Variants in RRP8 observed in about 807,000 individuals in gnomAD.
RRP8 encodes ribosomal RNA-processing protein 8.
A neutral mutation model predicts 45.0 loss-of-function variants in RRP8; 48 were observed. The observed-to-expected ratio is 1.07, with a 90% confidence interval of 0.85 to 1.36. The LOEUF is 1.36. Ranked by LOEUF, RRP8 falls within the 40% of genes most tolerant of loss-of-function variation. RRP8 has a pLI of 0.00. For missense variants in RRP8, 658 were observed against 573.7 expected (o/e 1.15, Z -1.50); for synonymous variants, 274 against 212.4 (o/e 1.29, Z -2.52).
chr11:6,601,956 G>A lies in RRP8; in HGVS notation c.359C>T (p.Ala120Val), dbSNP rs781502115. The A allele has an allele frequency of 4.3e-6, 7 of 1,614,000 alleles. No homozygotes were observed. Among genetic ancestry groups the A allele is most frequent in the African/African-American group, 2.7e-5 (2 of 74,916 alleles). ...VERKKKCHKQ[A>V]LVGSDSAEDE... ...TTCAGCAGAGTCACTGCCAACAAGA[G>A]CCTGTTTGTGGCATTTCTTCTTCCT... The change falls in exon 2 of 7, where the codon GCT becomes GTT. Residue 120 changes from alanine to valine, a missense_variant. Transcript: ENST00000254605.
Position 6,600,926 on chromosome 11 carries a change from C to A in RRP8, c.1047G>T (p.Gln349His), listed in dbSNP as rs777430541. 1.9e-6 allele frequency: 3 copies of A among 1,614,140 alleles called. No homozygotes were observed. The South Asian group carries it at 3.3e-5, about 18-fold the overall frequency. Residue 349 changes from glutamine to histidine, a missense_variant and splice_region_variant, in exon 4 of 7, where the codon CAG becomes CAT. By Grantham distance (24) the Gln-to-His change is conservative. Coordinates refer to ENST00000254605, the MANE Select transcript of RRP8 (RefSeq NM_015324.4). ...CAAGCCAGATAACATAGGGGTTTAC[C>A]TGGGCCATGTCACACACAGTGACCC... ...DPRVTVCDMA[Q>H]VPLEDESVDV...
In RRP8 at chr11:6,598,652, AGTACGTGTAGAG is replaced by A. The variant is rs1463942811; in HGVS notation, c.*1482_*1493del. 6.6e-6 allele frequency: 1 copy of A among 152,246 alleles called. No homozygotes were observed. Among genetic ancestry groups the A allele is most frequent in the African/African-American group, 2.4e-5 (1 of 41,456 alleles). 9.4% of individuals were successfully genotyped at this position (152,246 alleles called of 1,614,324 possible). ...CCGATGAATATCCAGCAGAAAGAAC[AGTACGTGTAGAG>A]GCACTGTGTAGTGCCTGCCTAATGA... On this transcript the variant is annotated 3_prime_UTR_variant, in exon 7 of 7. Transcript: ENST00000254605.
At position 6,601,938 on chromosome 11, in the gene RRP8, G is replaced by A; in HGVS notation, c.377C>T (p.Ser126Phe). The change falls in exon 2 of 7, where the codon TCT (serine) becomes TTT (phenylalanine). Residue 126 changes from serine to phenylalanine, a missense_variant. Transcript: ENST00000254605. Reference protein sequence around the residue: ...CHKQALVGSDSAEDEKRKRKC... With the variant: ...CHKQALVGSDFAEDEKRKRKC... ...CCTCTTTCTTTTCTCATCTTCAGCA[G>A]AGTCACTGCCAACAAGAGCCTGTTT... is the stretch of plus-strand genomic sequence containing the variant. The A allele has an allele frequency of 1.2e-6, 2 of 1,614,168 alleles. No individual in the cohort carries two copies. The highest frequency in any genetic ancestry group is 4.5e-5 in the East Asian group (2 of 44,876).
chr11:6,602,385 A>G, intron 1 of RRP8, 170 bp from the exon 2 acceptor site: 1 of 686,060 alleles, frequency 1.5e-6, no homozygotes, highest in Non-Finnish European at 2.2e-6. Flanking sequence ...AACTTCTGGG[A>G]AGCTGGAGAG....
At chr11:6,602,584 G>A (rs534958227) in intron 1 of RRP8, among the ~76,000 whole-genome samples, 1 of 152,296 alleles carries the variant, frequency 6.6e-6, no homozygotes, top group East Asian at 1.9e-4. Flanking sequence ...GAACACAGGA[G>A]ACACATGATC....
In RRP8 at chr11:6,598,536, T is replaced by C. The variant is rs1277989157; in HGVS notation, c.*1610A>G. 1 of 152,256 alleles carries C rather than the reference T, an allele frequency of 6.6e-6. No homozygotes were observed. The highest frequency in any genetic ancestry group is 1.5e-5 in the Non-Finnish European group (1 of 68,048). 9.4% of individuals were successfully genotyped at this position (152,256 alleles called of 1,614,324 possible). A position where few individuals can be genotyped will look rare whatever the true frequency, so the allele number is the denominator to read the frequency against. ...AGCTGAAGTAGCACTCTTCACATAG[T>C]ACTTTGAGAGTACAGATGAAGAACT... On this transcript the variant is annotated 3_prime_UTR_variant, in exon 7 of 7. Transcript: ENST00000254605.
chr11:6,603,573 A>T lies in RRP8; in HGVS notation c.-71T>A. Reference sequence around the variant, plus strand: ...TGCACAGCGCTCCTCTGGAAGTCGGAGCGCTCAGACCTGCCAGAACCGACC... The same window carrying T: ...TGCACAGCGCTCCTCTGGAAGTCGGTGCGCTCAGACCTGCCAGAACCGACC... On this transcript the variant is annotated 5_prime_UTR_variant, in exon 1 of 7. Coordinates refer to ENST00000254605, the MANE Select transcript of RRP8 (RefSeq NM_015324.4). 1.8e-6 allele frequency: 2 copies of T among 1,081,410 alleles called. No individual in the cohort carries two copies. The highest frequency in any genetic ancestry group is 2.6e-6 in the Non-Finnish European group (2 of 756,972). The allele number at this position is 1,081,410 out of a possible 1,614,324, so 67.0% of individuals were successfully genotyped here. A position where few individuals can be genotyped will look rare whatever the true frequency, so the allele number is the denominator to read the frequency against.
chr11:6,600,852 AG>A (rs1854333209), intron 4 of RRP8, 73 bp downstream of exon 4: 1 of 1,611,286 alleles, frequency 6.2e-7, no homozygotes, highest in East Asian at 2.2e-5. Context: ...AGGATGGGAA[AG>A]GGGAAGGAAG....
rs1440597726 is a variant in RRP8, at chr11:6,603,403, C to T, written c.99+1G>A. 35 of 1,598,802 alleles carry T rather than the reference C, an allele frequency of 2.2e-5. No individual in the cohort carries two copies. Among genetic ancestry groups the T allele is most frequent in the Non-Finnish European group, 2.7e-5 (32 of 1,173,346 alleles). On this transcript the variant is annotated splice_donor_variant, in intron 1 of 6. Coordinates refer to ENST00000254605, the MANE Select transcript of RRP8 (RefSeq NM_015324.4). LOFTEE classifies it high-confidence loss of function. ...TCCCATTGCTCCCGCGAGTCACTCA[C>T]CTTGTTTTGCGAGGAGGCCGCAGGC...
chr11:6,601,968 C>T lies in RRP8; in HGVS notation c.347G>A (p.Cys116Tyr). ...SEEEVERKKK[C>Y]HKQALVGSDS... ...ACTGCCAACAAGAGCCTGTTTGTGG[C>T]ATTTCTTCTTCCTTTCTACTTCTTC... Residue 116 changes from cysteine to tyrosine, a missense_variant, in exon 2 of 7, where the codon TGC (cysteine) becomes TAC (tyrosine). Coordinates refer to ENST00000254605, the MANE Select transcript of RRP8 (RefSeq NM_015324.4). The T allele has an allele frequency of 6.2e-7, 1 of 1,614,208 alleles. No homozygotes were observed. The highest frequency in any genetic ancestry group is 1.1e-5 in the South Asian group (1 of 91,082).
At position 6,600,662 on chromosome 11, in the gene RRP8, C is replaced by T. The variant is rs111576698; in HGVS notation, c.1154+7G>A. ...CATACATGCATCTGTGTCCTGGGGGCTCTTACCCTGGCTTCAGTACTCTAT... is the reference window on the plus strand; with the variant it reads ...CATACATGCATCTGTGTCCTGGGGGTTCTTACCCTGGCTTCAGTACTCTAT... On this transcript the variant is annotated splice_region_variant and intron_variant, in intron 5 of 6. Coordinates refer to ENST00000254605, the MANE Select transcript of RRP8 (RefSeq NM_015324.4). 4.5e-4 allele frequency: 732 copies of T among 1,612,324 alleles called. 4 individuals are homozygous for T. The African/African-American group carries it at 7.3e-3, about 16-fold the overall frequency.
rs900042884 is a variant in RRP8, at chr11:6,601,719, A to G, written c.464-117T>C. Reference sequence around the variant, plus strand: ...AGATCGTGACTGTGGCCTGCAGAGAAGTACTTCTTATTGCCTGAGTACACC... The same window carrying G: ...AGATCGTGACTGTGGCCTGCAGAGAGGTACTTCTTATTGCCTGAGTACACC... On this transcript the variant is annotated intron_variant, in intron 2 of 6. Transcript: ENST00000254605. 4 of 1,477,548 alleles carry G rather than the reference A, an allele frequency of 2.7e-6. No individual in the cohort carries two copies. In the African/African-American group the frequency reaches 5.6e-5, roughly 21 times the overall value. 91.5% of individuals were successfully genotyped at this position (1,477,548 alleles called of 1,614,324 possible). A position where few individuals can be genotyped will look rare whatever the true frequency, so the allele number is the denominator to read the frequency against.
In RRP8 at chr11:6,598,021, C is replaced by G. The variant is rs1854263108; in HGVS notation, c.*2125G>C. The G allele has an allele frequency of 2.0e-5, 3 of 152,188 alleles. No individual in the cohort carries two copies. In the South Asian group the frequency reaches 6.2e-4, roughly 32 times the overall value. 9.4% of individuals were successfully genotyped at this position (152,188 alleles called of 1,614,324 possible). On this transcript the variant is annotated 3_prime_UTR_variant, in exon 7 of 7. Transcript: ENST00000254605. ...CCATGACATGCTCCTCAGTTCTATT[C>G]TGAGCCATTTTCTCTTCTCATTATC... is the stretch of plus-strand genomic sequence containing the variant.
intron 1 of RRP8, among the ~76,000 whole-genome samples, chr11:6,602,594 C>T (rs1447895749): frequency 6.6e-6 from 1 of 152,168 alleles, no homozygotes; most frequent in Admixed American, 6.5e-5. Flanking sequence ...GACACATGAT[C>T]ACACACGTAT....
At position 6,601,432 on chromosome 11, in the gene RRP8, G is replaced by C. The variant is rs757940157; in HGVS notation, c.634C>G (p.Pro212Ala). The C allele has an allele frequency of 3.7e-6, 6 of 1,614,148 alleles. No homozygotes were observed. The highest frequency in any genetic ancestry group is 4.5e-5 in the East Asian group (2 of 44,892). Residue 212 changes from proline (P) to alanine (A), a missense_variant, in exon 3 of 7, where the codon CCA becomes GCA. Pro to Ala is a conservative substitution (Grantham distance 27, BLOSUM62 -1). Coordinates refer to ENST00000254605, the MANE Select transcript of RRP8 (RefSeq NM_015324.4). ...FQPPQVPDQA[P>A]AEAPTEKTEV... Reference sequence around the variant, plus strand: ...GTCTTCTCTGTGGGGGCCTCAGCTGGGGCCTGGTCTGGCACCTGAGGTGGC... The same window carrying C: ...GTCTTCTCTGTGGGGGCCTCAGCTGCGGCCTGGTCTGGCACCTGAGGTGGC...
At chr11:6,600,867 T>TA (rs1212665485) in intron 4 of RRP8, 59 bp downstream of exon 4, 20 of 1,612,760 alleles carry the variant, frequency 1.2e-5, no homozygotes, top group Non-Finnish European at 1.7e-5. Flanking sequence ...AAGGAAGGGT[T>TA]AGAGATTAGC....
chr11:6,601,487 C>T lies in RRP8; in HGVS notation c.579G>A (p.Lys193=). ...ACTTGTTCTTACATCTTCTCTTGTT[C>T]TTTTGCCGGTTCCGCCACTGCTTGC... ...LSRKQWRNRQ[K]NKRRCKNKFQ... is the part of the protein sequence containing the mutation. Residue 193 remains lysine, a synonymous_variant, in exon 3 of 7, where the codon AAG becomes AAA. Coordinates refer to ENST00000254605, the MANE Select transcript of RRP8 (RefSeq NM_015324.4). The T allele has an allele frequency of 6.2e-7, 1 of 1,613,594 alleles. No homozygotes were observed. Among genetic ancestry groups the T allele is most frequent in the Non-Finnish European group, 8.5e-7 (1 of 1,180,032 alleles).
Position 6,602,155 on chromosome 11 carries a change from G to C in RRP8, c.160C>G (p.Gln54Glu). Residue 54 changes from glutamine to glutamate, a missense_variant, in exon 2 of 7, where the codon CAG becomes GAG. Gln to Glu is a conservative substitution (Grantham distance 29). Coordinates refer to ENST00000254605, the MANE Select transcript of RRP8 (RefSeq NM_015324.4). Reference sequence around the variant, plus strand: ...CTTATACATAGGCTGGGGGGATGCTGGGAAAGAGATGCTGCCTCTAGGGCC... The same window carrying C: ...CTTATACATAGGCTGGGGGGATGCTCGGAAAGAGATGCTGCCTCTAGGGCC... ...LRALEAASLSQHPPSLCISDS... is the reference protein window; with the variant it reads ...LRALEAASLSEHPPSLCISDS... 3 of 1,604,356 alleles carry C rather than the reference G, an allele frequency of 1.9e-6. No individual in the cohort carries two copies. Among genetic ancestry groups the C allele is most frequent in the Non-Finnish European group, 2.6e-6 (3 of 1,174,106 alleles).
rs1854215163 is a variant in RRP8, at chr11:6,595,618, A to G, written c.*4528T>C. ...GTCACAATGACGGATTTAAAAAAAA[A>G]AGAGTATCTCAACTTCCTATTGGGA... On this transcript the variant is annotated 3_prime_UTR_variant, in exon 7 of 7. Coordinates refer to ENST00000254605, the MANE Select transcript of RRP8 (RefSeq NM_015324.4). 6.6e-6 allele frequency: 1 copy of G among 152,220 alleles called. No homozygotes were observed. Among genetic ancestry groups the G allele is most frequent in the South Asian group, 2.1e-4 (1 of 4,832 alleles). 9.4% of individuals were successfully genotyped at this position (152,220 alleles called of 1,614,324 possible). A position where few individuals can be genotyped will look rare whatever the true frequency, so the allele number is the denominator to read the frequency against.
Sources: allele counts gnomAD v4.1 joint callset (sites outside exome capture counted in the v4.1 genomes callset), GRCh38; gene constraint gnomAD v4.1.1; transcripts MANE v1.5; gene names NCBI Gene and HGNC (gene_info 2026-07-23, HGNC 2026-07-21).